The following PODXL2 variants were observed in gnomAD, a reference collection of about 807,000 sequenced individuals.
PODXL2 encodes the protein podocalyxin-like protein 2.
Under a neutral mutation model 53.4 loss-of-function variants are expected in PODXL2, and 17 were observed. The ratio of observed to expected loss-of-function variants is 0.32; its 90% CI spans 0.22 to 0.48. The LOEUF (loss-of-function observed/expected upper bound fraction) is 0.48. Ranked by LOEUF, PODXL2 falls within the 20% of genes least tolerant of loss-of-function variation. The probability of loss-of-function intolerance (pLI) is 0.99; values close to 1 mark genes in which losing one functional copy is unlikely to be tolerated. For synonymous variants in PODXL2, 311 were observed against 306.7 expected, an observed-to-expected ratio of 1.01 and a Z score of -0.15; for missense variants, 673 against 760.0, an observed-to-expected ratio of 0.89 and a Z score of 1.35.
chr3:127,660,289 G>A, intron 2 of PODXL2, 89 bp from the exon 3 acceptor site: 7 of 1,529,472 alleles, frequency 4.6e-6, no homozygotes, highest in East Asian at 2.3e-5. Context: ...TCAGTGTATT[G>A]TGGTTCTTTT....
At chr3:127,635,989 A>T (rs2074576236) in intron 1 of PODXL2, among the ~76,000 whole-genome samples, 1 of 152,198 alleles carries the variant, frequency 6.6e-6, no homozygotes, top group Non-Finnish European at 1.5e-5. Flanking sequence ...GTTTTCCTGC[A>T]GGCTAGCCTT....
chr3:127,666,281 T>G (rs2074794684), intron 4 of PODXL2, among the ~76,000 whole-genome samples: 1 of 152,178 alleles, frequency 6.6e-6, no homozygotes, highest in African/African-American at 2.4e-5. Flanking sequence ...AATAAGTACT[T>G]TACTTATTCA....
At chr3:127,669,004 T>G (rs2074813541) in intron 5 of PODXL2, 137 bp from the exon 6 acceptor site, 4 of 604,400 alleles carry the variant, frequency 6.6e-6, no homozygotes, top group Non-Finnish European at 1.2e-5. Context: ...GGCATGTGCC[T>G]TGAGGATCTG....
intron 4 of PODXL2, among the ~76,000 whole-genome samples, chr3:127,662,646 T>C (rs144818956): frequency 0.013 from 2,004 of 152,348 alleles, 14 homozygotes; most frequent in Non-Finnish European, 0.022. Context: ...TTCTCCGTTT[T>C]GGGTCTCAGC....
intron 4 of PODXL2, chr3:127,665,950 A>G (rs750667478): frequency 2.1e-6 from 1 of 470,678 alleles, no homozygotes; most frequent in Non-Finnish European, 4.3e-6. Flanking sequence ...TCTGGGCCCC[A>G]GGTGTGCTCA....
intron 2 of PODXL2, among the ~76,000 whole-genome samples, chr3:127,649,287 T>G (rs74661125): frequency 0.015 from 2,225 of 152,364 alleles, 61 homozygotes; most frequent in South Asian, 0.045. Context: ...CTATCATTTC[T>G]TTGGGCAGTC....
intron 2 of PODXL2, among the ~76,000 whole-genome samples, chr3:127,643,177 G>A (rs1244442518): frequency 1.3e-5 from 2 of 151,786 alleles, no homozygotes; most frequent in Non-Finnish European, 2.9e-5. Flanking sequence ...ATAATTTTTG[G>A]CATAAAGAAA....
chr3:127,641,438 G>T (rs556101816), intron 2 of PODXL2, among the ~76,000 whole-genome samples: 42 of 151,598 alleles, frequency 2.8e-4, no homozygotes, highest in African/African-American at 9.9e-4. Context: ...TGAACTCCTG[G>T]GCTCAAGCGA....
Position 127,672,722 on chromosome 3 carries a change from C to T in PODXL2, c.*242C>T, listed in dbSNP as rs987846009. The T allele has an allele frequency of 4.8e-6, 2 of 420,352 alleles. No individual in the cohort carries two copies. The highest frequency in any genetic ancestry group is 8.3e-6 in the Non-Finnish European group (2 of 242,404). The allele number at this position is 420,352 out of a possible 1,614,324, so 26.0% of individuals were successfully genotyped here. A position where few individuals can be genotyped will look rare whatever the true frequency, so the allele number is the denominator to read the frequency against. The stretch of plus-strand genomic sequence containing the variant: ...GGCCCCGCTTTCCCGCCCCTGAACC[C>T]CGGCCCCGCGGGCGGCGGGCGGCGC... On this transcript the variant is annotated 3_prime_UTR_variant, in exon 8 of 8. Coordinates refer to ENST00000342480, the MANE Select transcript of PODXL2 (RefSeq NM_015720.4).
intron 6 of PODXL2, among the ~76,000 whole-genome samples, chr3:127,670,126 G>T (rs1018292726): frequency 1.3e-5 from 2 of 152,198 alleles, no homozygotes; most frequent in African/African-American, 4.8e-5. Flanking sequence ...GCACCACACT[G>T]TGCAAGGCTC....
intron 2 of PODXL2, among the ~76,000 whole-genome samples, chr3:127,647,821 G>C (rs2074665851): frequency 6.6e-6 from 1 of 152,190 alleles, no homozygotes; most frequent in African/African-American, 2.4e-5. Context: ...GTCTCCCTGA[G>C]TCCCAAGCTT....
At chr3:127,631,160 G>A (rs189086223) in intron 1 of PODXL2, among the ~76,000 whole-genome samples, 306 of 149,068 alleles carry the variant, frequency 2.1e-3, no homozygotes, top group Non-Finnish European at 3.3e-3. Context: ...AGTGGAGGTA[G>A]CGTGACTGTG....
Position 127,672,258 on chromosome 3 carries a change from C to T in PODXL2, c.1606-10C>T, listed in dbSNP as rs1212938238. 2 of 1,541,110 alleles carry T rather than the reference C, an allele frequency of 1.3e-6. No homozygotes were observed. Among genetic ancestry groups the T allele is most frequent in the East Asian group, 2.4e-5 (1 of 40,908 alleles). On this transcript the variant is annotated splice_polypyrimidine_tract_variant and intron_variant, in intron 7 of 7. Coordinates refer to ENST00000342480, the MANE Select transcript of PODXL2 (RefSeq NM_015720.4). ...TCGCTCGCCCATGGCCTCTCCCCAC[C>T]CCGCCTCAGTCGCACGGCGAGGAGC...
rs1484458017 is a variant in PODXL2 at position 127,671,524 on chromosome 3, G to T, written c.1516G>T (p.Val506Leu). Reference protein sequence around the residue: ...SDYGTLFVVLVVIGAICIIII... With the variant: ...SDYGTLFVVLLVIGAICIIII... ...CTACGGCACGCTCTTCGTGGTGCTG[G>T]TGGTCATTGGGGCCATCTGCATCAT... is the stretch of plus-strand genomic sequence containing the variant. The change falls in exon 7 of 8, where the codon GTG becomes TTG. Residue 506 changes from valine to leucine, a missense_variant. By Grantham distance (32) the Val-to-Leu change is conservative. Transcript: ENST00000342480. The T allele has an allele frequency of 6.2e-7, 1 of 1,614,056 alleles. No homozygotes were observed. Among genetic ancestry groups the T allele is most frequent in the African/African-American group, 1.3e-5 (1 of 74,938 alleles).
At chr3:127,632,702 T>C (rs2074554397) in intron 1 of PODXL2, among the ~76,000 whole-genome samples, 1 of 152,226 alleles carries the variant, frequency 6.6e-6, no homozygotes, top group Non-Finnish European at 1.5e-5. Context: ...CATCGGCTCA[T>C]ATCCCCTAAA....
intron 2 of PODXL2, among the ~76,000 whole-genome samples, chr3:127,645,210 G>C (rs548854293): frequency 4.9e-4 from 74 of 152,326 alleles, no homozygotes; most frequent in South Asian, 1.0e-3. Context: ...TTGCTTGGCA[G>C]AGTTGAACTG....
intron 7 of PODXL2, 72 bp downstream of exon 7, chr3:127,671,685 C>A: frequency 1.4e-6 from 2 of 1,412,470 alleles, no homozygotes; most frequent in Non-Finnish European, 2.0e-6. Flanking sequence ...TCCTCATCTG[C>A]AAGGGGAGGC....
rs184268063 is a variant in PODXL2, at chr3:127,635,463, G to A, written c.71-3782G>A. ...TGGTTGAAGAATGAATGAATGGATG[G>A]ATGAATGAATGGAATTTAACCATTC... On this transcript the variant is annotated intron_variant, in intron 1 of 7. Coordinates refer to ENST00000342480, the MANE Select transcript of PODXL2 (RefSeq NM_015720.4). Among the ~76,000 whole-genome samples, 15 of 152,340 alleles carry A rather than the reference G, an allele frequency of 9.8e-5. No homozygotes were observed. The East Asian group carries it at 2.9e-3, about 29-fold the overall frequency.
intron 1 of PODXL2, among the ~76,000 whole-genome samples, chr3:127,638,921 A>G (rs955193224): frequency 1.3e-5 from 2 of 152,090 alleles, no homozygotes; most frequent in Admixed American, 6.5e-5. Flanking sequence ...ACCCAGTACA[A>G]TTGCCAACAG....
Sources: gnomAD v4.1 joint callset for allele counts (sites outside exome capture counted in the v4.1 genomes callset) on GRCh38, gnomAD v4.1.1 for gene constraint, MANE v1.5 for transcripts, NCBI Gene and HGNC (gene_info 2026-07-23, HGNC 2026-07-21) for gene names.